Variants in AKAP6 observed in about 807,000 individuals in gnomAD.
AKAP6 encodes A-kinase anchor protein 6.
AKAP6 carries 58 observed loss-of-function variants against 188.5 expected under a neutral mutation model. The observed-to-expected ratio is 0.31, with a 90% CI of 0.25 to 0.38. AKAP6 has a LOEUF of 0.38. Ranked by LOEUF, AKAP6 falls within the 10% of genes least tolerant of loss-of-function variation. AKAP6 has a pLI of 1.00. For synonymous variants in AKAP6, 989 were observed against 998.6 expected, an observed-to-expected ratio of 0.99 and a Z score of 0.18; for missense variants, 2,710 against 2,740.0, an observed-to-expected ratio of 0.99 and a Z score of 0.24.
chr14:32,482,069 C>T (rs770474434), intron 2 of AKAP6, among the ~76,000 whole-genome samples: 1 of 152,088 alleles, frequency 6.6e-6, no homozygotes, highest in Admixed American at 6.5e-5. Flanking sequence ...TATTATAGCA[C>T]AACTTTCCTC....
chr14:32,520,914 T>C (rs565286416), intron 2 of AKAP6, among the ~76,000 whole-genome samples: 2 of 152,336 alleles, frequency 1.3e-5, no homozygotes, highest in South Asian at 4.1e-4. Flanking sequence ...CCAATATCCC[T>C]GATGAACATC....
chr14:32,571,060 C>T (rs1884460371), intron 4 of AKAP6, among the ~76,000 whole-genome samples: 1 of 152,152 alleles, frequency 6.6e-6, no homozygotes, highest in African/African-American at 2.4e-5. Context: ...GTACCTACCT[C>T]ACAGGGCCAT....
intron 2 of AKAP6, among the ~76,000 whole-genome samples, chr14:32,455,702 T>C (rs866236844): frequency 6.6e-6 from 1 of 152,230 alleles, no homozygotes; most frequent in African/African-American, 2.4e-5. Context: ...TTTTGTGATG[T>C]TGTTGCTAGG....
intron 2 of AKAP6, among the ~76,000 whole-genome samples, chr14:32,451,455 T>C (rs1444780970): frequency 6.6e-6 from 1 of 152,226 alleles, no homozygotes. Flanking sequence ...GTATGTGGAC[T>C]AGTATCTAGG....
chr14:32,667,348 G>T (rs1053326879), intron 7 of AKAP6, among the ~76,000 whole-genome samples: 1 of 152,006 alleles, frequency 6.6e-6, no homozygotes, highest in African/African-American at 2.4e-5. Flanking sequence ...AAAGGGAAAT[G>T]ATTATGGTTC....
chr14:32,556,963 A>G (rs545566670), intron 4 of AKAP6, among the ~76,000 whole-genome samples: 11 of 151,702 alleles, frequency 7.3e-5, no homozygotes, highest in Non-Finnish European at 1.5e-4. Context: ...CCATATTTTA[A>G]GGGTCTCACT....
At chr14:32,628,845 T>C (rs1323235568) in intron 7 of AKAP6, among the ~76,000 whole-genome samples, 2 of 152,150 alleles carry the variant, frequency 1.3e-5, no homozygotes, top group African/African-American at 4.8e-5. Flanking sequence ...GGTAGCAGTA[T>C]CTGTGAAAAG....
At chr14:32,460,914 G>A (rs1891301220) in intron 2 of AKAP6, among the ~76,000 whole-genome samples, 1 of 152,204 alleles carries the variant, frequency 6.6e-6, no homozygotes, top group South Asian at 2.1e-4. Flanking sequence ...TGAGGCTTTA[G>A]TAGGCAGTTT....
chr14:32,712,838 T>C (rs1323724437), intron 9 of AKAP6, among the ~76,000 whole-genome samples: 1 of 152,070 alleles, frequency 6.6e-6, no homozygotes, highest in East Asian at 1.9e-4. Context: ...ATCAACTTCT[T>C]CCAAACTCCT....
intron 2 of AKAP6, among the ~76,000 whole-genome samples, chr14:32,532,862 C>T (rs944915170): frequency 2.6e-5 from 4 of 152,126 alleles, no homozygotes; most frequent in African/African-American, 9.7e-5. Context: ...AGGCATACCC[C>T]ATAGATGCTA....
chr14:32,399,762 G>A (rs1889020208), intron 1 of AKAP6, among the ~76,000 whole-genome samples: 2 of 152,150 alleles, frequency 1.3e-5, no homozygotes, highest in South Asian at 4.2e-4. Context: ...TTTAAAAATA[G>A]TATCTATTCC....
At chr14:32,602,283 G>A (rs1331112986) in intron 7 of AKAP6, among the ~76,000 whole-genome samples, 1 of 152,024 alleles carries the variant, frequency 6.6e-6, no homozygotes. Flanking sequence ...ATCACTTGAG[G>A]TCAGGAGTTT....
chr14:32,726,859 G>A (rs889889126), intron 9 of AKAP6, among the ~76,000 whole-genome samples: 33 of 152,328 alleles, frequency 2.2e-4, no homozygotes, highest in African/African-American at 7.5e-4. Context: ...AATGATTGCA[G>A]CTATTTTCCA....
intron 9 of AKAP6, among the ~76,000 whole-genome samples, chr14:32,700,703 A>G (rs533481574): frequency 1.3e-5 from 2 of 152,334 alleles, no homozygotes; most frequent in South Asian, 2.1e-4. Flanking sequence ...GCTCTACCGT[A>G]TAGCCAAGAT....
chr14:32,654,498 TAG>T (rs2139545082), intron 7 of AKAP6, among the ~76,000 whole-genome samples: 1 of 152,060 alleles, frequency 6.6e-6, no homozygotes, highest in South Asian at 2.1e-4. Context: ...ATTAATTAGG[TAG>T]GGTGAAATAT....
intron 2 of AKAP6, among the ~76,000 whole-genome samples, chr14:32,445,760 G>T (rs1314483759): frequency 6.6e-6 from 1 of 150,838 alleles, no homozygotes; most frequent in Non-Finnish European, 1.5e-5. Context: ...TACTCCAGCT[G>T]TTTTTTTTTC....
intron 2 of AKAP6, among the ~76,000 whole-genome samples, chr14:32,466,798 G>A (rs1472219531): frequency 1.7e-5 from 2 of 114,302 alleles, no homozygotes; most frequent in East Asian, 5.0e-4. Context: ...TTTGGATCCT[G>A]ATTCAAAATA....
chr14:32,479,419 T>C (rs1327415905), intron 2 of AKAP6, among the ~76,000 whole-genome samples: 3 of 152,176 alleles, frequency 2.0e-5, no homozygotes, highest in African/African-American at 7.2e-5. Flanking sequence ...ATTTTTGATA[T>C]ATTTACTTTT....
At position 32,688,271 on chromosome 14, in the gene AKAP6, G is replaced by A. The variant is rs181866223; in HGVS notation, c.2880-7719G>A. Among the ~76,000 whole-genome samples, 482 of 152,052 alleles carry A rather than the reference G, an allele frequency of 3.2e-3. 3 individuals are homozygous for A. Among genetic ancestry groups the A allele is most frequent in the South Asian group, 5.2e-3 (25 of 4,816 alleles). On this transcript the variant is annotated intron_variant, in intron 8 of 13. Coordinates refer to ENST00000280979, the MANE Select transcript of AKAP6 (RefSeq NM_004274.5). ...AGTTGCCGACACGGACAATGAGAAGGCACCTAAAACAAATCTGATTTATTT... is the reference window on the plus strand; with the variant it reads ...AGTTGCCGACACGGACAATGAGAAGACACCTAAAACAAATCTGATTTATTT...
Sources: allele counts gnomAD v4.1 joint callset (sites outside exome capture counted in the v4.1 genomes callset), GRCh38; gene constraint gnomAD v4.1.1; transcripts MANE v1.5; gene names NCBI Gene and HGNC (gene_info 2026-07-23, HGNC 2026-07-21).